STK31: variants seen among roughly 807,000 people sequenced by gnomAD.
The protein encoded by STK31 is serine/threonine-protein kinase 31.
A neutral mutation model predicts 129.7 loss-of-function variants in STK31; 89 were observed. The observed-to-expected ratio is 0.69, with a 90% CI of 0.58 to 0.82. The LOEUF is 0.82. Among genes scored for constraint, STK31 ranks in the 40% least tolerant of loss-of-function variants. The pLI, the probability that STK31 is intolerant of heterozygous loss-of-function variation, is 0.00. For synonymous variants in STK31, 448 were observed against 395.3 expected (o/e 1.13, Z -1.58); for missense variants, 1,187 against 1,176.4 (o/e 1.01, Z -0.13).
chr7:23,749,531 T>TGGGGG (rs138533739), intron 8 of STK31, among the ~76,000 whole-genome samples: 14 of 145,244 alleles, frequency 9.6e-5, no homozygotes, highest in Admixed American at 8.3e-4. Flanking sequence ...TTTTTTTTTT[T>TGGGGG]GGGGGTAGAG....
chr7:23,790,129 A>G (rs1289291384), intron 21 of STK31, among the ~76,000 whole-genome samples: 2 of 152,186 alleles, frequency 1.3e-5, no homozygotes, highest in Non-Finnish European at 2.9e-5. Context: ...TTGAGAAGCA[A>G]GGATCAAAAT....
intron 8 of STK31, among the ~76,000 whole-genome samples, chr7:23,741,473 C>T (rs1052256314): frequency 1.3e-5 from 2 of 152,150 alleles, no homozygotes; most frequent in Non-Finnish European, 1.5e-5. Flanking sequence ...TATGTATACT[C>T]TCATGTAACC....
intron 22 of STK31, among the ~76,000 whole-genome samples, chr7:23,798,876 C>G (rs1792183804): frequency 6.6e-6 from 1 of 152,188 alleles, no homozygotes; most frequent in Non-Finnish European, 1.5e-5. Context: ...TCTCCTTAAG[C>G]TGATAAGCAA....
At chr7:23,786,470 C>T in intron 18 of STK31, 38 bp from the exon 19 acceptor site, 2 of 1,557,122 alleles carry the variant, frequency 1.3e-6, no homozygotes, top group Non-Finnish European at 1.7e-6. Flanking sequence ...ATGAGATTTT[C>T]ATCTTGGAAT....
chr7:23,726,843 C>G (rs553624880), intron 4 of STK31, among the ~76,000 whole-genome samples: 16 of 152,224 alleles, frequency 1.1e-4, no homozygotes, highest in African/African-American at 3.9e-4. Flanking sequence ...GAGAGTTAGA[C>G]TTACGTGGCA....
chr7:23,771,311 A>G (rs1279215078), intron 14 of STK31, 187 bp downstream of exon 14: 1 of 465,232 alleles, frequency 2.1e-6, no homozygotes, highest in African/African-American at 2.0e-5. Flanking sequence ...TAAATATTTT[A>G]TTATGTCCAT....
In STK31 at chr7:23,735,788, A is replaced by G. The variant is rs756357330; in HGVS notation, c.734A>G (p.His245Arg). Residue 245 changes from histidine (H) to arginine (R), a missense_variant, in exon 7 of 24, where the codon CAT (histidine) becomes CGT (arginine). His to Arg is a conservative substitution (Grantham distance 29). Coordinates refer to ENST00000355870, the MANE Select transcript of STK31 (RefSeq NM_031414.5). ...NLKSPIPLWGHRSNQSTFSRP... is the reference protein window; with the variant it reads ...NLKSPIPLWGRRSNQSTFSRP... ...AAAAGCCCCATTCCTTTGTGGGGGCATAGATCAAACCAGTCAACCTTCAGC... is the reference window on the plus strand; with the variant it reads ...AAAAGCCCCATTCCTTTGTGGGGGCGTAGATCAAACCAGTCAACCTTCAGC... 7.4e-6 allele frequency: 12 copies of G among 1,614,210 alleles called. No individual in the cohort carries two copies. The highest frequency in any genetic ancestry group is 9.3e-6 in the Non-Finnish European group (11 of 1,180,028).
At chr7:23,804,496 T>A (rs1792570725) in intron 22 of STK31, among the ~76,000 whole-genome samples, 3 of 152,210 alleles carry the variant, frequency 2.0e-5, no homozygotes. Context: ...TATTAGGCTT[T>A]AAAAAATAGT....
At chr7:23,736,825 G>A in intron 7 of STK31, 79 bp from the exon 8 acceptor site, 1 of 1,207,734 alleles carries the variant, frequency 8.3e-7, no homozygotes, top group Non-Finnish European at 1.1e-6. Flanking sequence ...GGCATAAAAG[G>A]ACCAAGATAA....
chr7:23,755,482 G>C (rs533103384), intron 10 of STK31, among the ~76,000 whole-genome samples: 5 of 152,286 alleles, frequency 3.3e-5, no homozygotes, highest in South Asian at 4.1e-4. Context: ...TTCTTTTGCT[G>C]TGCAGAAGCT....
intron 23 of STK31, among the ~76,000 whole-genome samples, chr7:23,829,916 A>G (rs1327361996): frequency 1.3e-5 from 2 of 152,054 alleles, no homozygotes; most frequent in Non-Finnish European, 2.9e-5. Flanking sequence ...TTGTTCATGT[A>G]TAGTTATTCA....
intron 11 of STK31, among the ~76,000 whole-genome samples, chr7:23,764,621 T>C (rs1401290458): frequency 6.6e-6 from 1 of 152,170 alleles, no homozygotes. Flanking sequence ...TGGTGTACAG[T>C]TTTAGATATA....
intron 23 of STK31, among the ~76,000 whole-genome samples, chr7:23,820,669 C>T (rs988396583): frequency 2.0e-5 from 3 of 152,212 alleles, no homozygotes; most frequent in South Asian, 4.1e-4. Context: ...CTCTTCACCC[C>T]CTTCCACCTC....
At chr7:23,751,084 TC>T (rs1394487729) in intron 8 of STK31, among the ~76,000 whole-genome samples, 2 of 152,214 alleles carry the variant, frequency 1.3e-5, no homozygotes, top group African/African-American at 2.4e-5. Flanking sequence ...CTCCATGAGA[TC>T]AACTTTTTTT....
Position 23,735,591 on chromosome 7 carries a change from T to G in STK31, c.537T>G (p.Ile179Met). The G allele has an allele frequency of 1.2e-6, 2 of 1,610,824 alleles. No individual in the cohort carries two copies. Among genetic ancestry groups the G allele is most frequent in the Non-Finnish European group, 1.7e-6 (2 of 1,178,710 alleles). The change falls in exon 7 of 24, where the codon ATT becomes ATG. Residue 179 changes from isoleucine (I) to methionine (M), a missense_variant. Physicochemically the swap from Ile to Met is conservative, Grantham distance 10. Around this residue, in one of 5 missense-constraint regions of STK31, gnomAD observed 103 missense variants for 110.4 expected, o/e 0.93. Coordinates refer to ENST00000355870, the MANE Select transcript of STK31 (RefSeq NM_031414.5). ...TTGAAAAGGAAATAAAAATGAGAAT[T>G]AAAGCAACCTCTGAAGATGGAACAG... is the stretch of plus-strand genomic sequence containing the variant. Reference protein sequence around the residue: ...LIFEKEIKMRIKATSEDGTVI... With the variant: ...LIFEKEIKMRMKATSEDGTVI...
At chr7:23,742,684 C>G (rs932728882) in intron 8 of STK31, among the ~76,000 whole-genome samples, 2 of 152,180 alleles carry the variant, frequency 1.3e-5, no homozygotes, top group African/African-American at 4.8e-5. Flanking sequence ...AGGCATGCTT[C>G]CTCAAACCCT....
chr7:23,727,553 G>T (rs1389136019), intron 5 of STK31: 171 of 181,364 alleles, frequency 9.4e-4, no homozygotes, highest in African/African-American at 2.5e-3. Context: ...TTTTACCTCA[G>T]TTCTTTTTTT....
intron 16 of STK31, 100 bp from the exon 17 acceptor site, chr7:23,783,483 A>C: frequency 1.3e-6 from 1 of 754,514 alleles, no homozygotes; most frequent in East Asian, 2.8e-5. Context: ...CTTACTGGAT[A>C]TGTTATAAGG....
chr7:23,756,422 T>C (rs1474965486), intron 10 of STK31, among the ~76,000 whole-genome samples: 2 of 152,220 alleles, frequency 1.3e-5, no homozygotes, highest in Admixed American at 1.3e-4. Context: ...TTTCTAAATA[T>C]AAAATCATGT....
Sources: gnomAD v4.1 joint callset for allele counts (sites outside exome capture counted in the v4.1 genomes callset) on GRCh38, gnomAD v4.1.1 for gene constraint, gnomAD v4.1.1 regional missense constraint, MANE v1.5 for transcripts, NCBI Gene and HGNC (gene_info 2026-07-23, HGNC 2026-07-21) for gene names.